Variants in THNSL1 observed in about 807,000 individuals in gnomAD.
The protein encoded by THNSL1 is threonine synthase-like 1.
A neutral mutation model predicts 50.4 loss-of-function variants in THNSL1; 48 were observed. The ratio of observed to expected loss-of-function variants is 0.95; its 90% CI spans 0.76 to 1.21. The LOEUF is 1.21. Among genes scored for constraint, THNSL1 ranks in the 50% most tolerant of loss-of-function variants. The pLI is 0.00. For missense variants in THNSL1, 896 were observed against 871.7 expected (o/e 1.03, Z -0.35); for synonymous variants, 309 against 306.1 (o/e 1.01, Z -0.10).
the THNSL1 span, chr10:24,984,543 T>A: frequency 9.2e-7 from 1 of 1,084,136 alleles, no homozygotes; most frequent in Non-Finnish European, 1.3e-6. Context: ...AACGTGACAC[T>A]AGTAAAAACA....
upstream of THNSL1, among the ~76,000 whole-genome samples, chr10:25,013,489 T>C (rs904486187): frequency 6.6e-6 from 1 of 152,228 alleles, no homozygotes; most frequent in Non-Finnish European, 1.5e-5. Flanking sequence ...ACTGTCAAAA[T>C]GCTTATGGAA....
At chr10:25,017,452 C>T (rs1201170115) in intron 1 of THNSL1, among the ~76,000 whole-genome samples, 1 of 152,216 alleles carries the variant, frequency 6.6e-6, no homozygotes, top group East Asian at 1.9e-4. Flanking sequence ...GGAGAGAAAA[C>T]ACACTTGAGT....
upstream of THNSL1, chr10:25,015,729 C>A (rs900507311): frequency 6.3e-6 from 5 of 791,966 alleles, no homozygotes; most frequent in Non-Finnish European, 8.9e-6. Context: ...AACAAGTTAT[C>A]CTCCAAGGCT....
chr10:25,025,442 ATCAAT>A lies in THNSL1; in HGVS notation c.2223_2227del (p.Gln741HisfsTer12). ...AGTCATGTGGAACAACTTGTCCAAA[ATCAAT>A]TCATATGAAAGCTTTCAGAGTAAAT... On this transcript the variant is annotated frameshift_variant, in exon 3 of 3. Transcript: ENST00000376356. LOFTEE classifies it high-confidence loss of function. 6.2e-7 allele frequency: 1 copy of A among 1,601,884 alleles called. No individual in the cohort carries two copies.
At chr10:24,975,953 G>A in the THNSL1 span, among the ~76,000 whole-genome samples, 1 of 152,230 alleles carries the variant, frequency 6.6e-6, no homozygotes, top group Non-Finnish European at 1.5e-5. Flanking sequence ...TGAATAAAGT[G>A]ACATCTAAGT....
chr10:24,967,714 CGT>C, the THNSL1 span, among the ~76,000 whole-genome samples: 1 of 147,564 alleles, frequency 6.8e-6, no homozygotes, highest in Admixed American at 6.7e-5. Flanking sequence ...TGTGTGTATA[CGT>C]GTGTGATATG....
upstream of THNSL1, among the ~76,000 whole-genome samples, chr10:25,014,758 C>T (rs548135085): frequency 7.9e-5 from 12 of 152,268 alleles, no homozygotes; most frequent in Non-Finnish European, 1.5e-4. Flanking sequence ...ATTCCTCTTT[C>T]CAGTCTCTAG....
At chr10:24,967,003 T>A in the THNSL1 span, among the ~76,000 whole-genome samples, 14 of 147,042 alleles carry the variant, frequency 9.5e-5, no homozygotes, top group Non-Finnish European at 1.8e-4. Context: ...TAACAATTTA[T>A]TTTTTTTTTT....
the THNSL1 span, among the ~76,000 whole-genome samples, chr10:24,987,499 A>T: frequency 2.9e-3 from 438 of 152,212 alleles, 2 homozygotes; most frequent in African/African-American, 9.7e-3. Flanking sequence ...ATAAAAAAAA[A>T]TCAGCCAGGC....
chr10:25,002,804 G>A, the THNSL1 span, among the ~76,000 whole-genome samples: 1 of 151,970 alleles, frequency 6.6e-6, no homozygotes, highest in Non-Finnish European at 1.5e-5. Flanking sequence ...CAAACTGAAT[G>A]AGCTCATTAG....
At chr10:24,960,049 C>T in the THNSL1 span, among the ~76,000 whole-genome samples, 5 of 151,960 alleles carry the variant, frequency 3.3e-5, no homozygotes, top group African/African-American at 1.2e-4. Flanking sequence ...CCTCCATCCC[C>T]CACCCCCTTT....
At chr10:25,022,647 C>T (rs1302788172) in intron 2 of THNSL1, among the ~76,000 whole-genome samples, 2 of 152,060 alleles carry the variant, frequency 1.3e-5, no homozygotes, top group African/African-American at 2.4e-5. Flanking sequence ...GTTATGACTT[C>T]TATAAGAAAT....
chr10:24,999,582 T>G, the THNSL1 span: 2 of 1,539,004 alleles, frequency 1.3e-6, no homozygotes, highest in African/African-American at 1.4e-5. Flanking sequence ...GCATTTATAC[T>G]TCTAGTAAAA....
the THNSL1 span, among the ~76,000 whole-genome samples, chr10:24,994,722 T>G: frequency 2.0e-5 from 3 of 152,168 alleles, no homozygotes; most frequent in Non-Finnish European, 4.4e-5. Context: ...AGCTTTTTTA[T>G]TTTAAAGATC....
chr10:24,995,431 T>C, the THNSL1 span, among the ~76,000 whole-genome samples: 2 of 152,340 alleles, frequency 1.3e-5, no homozygotes, highest in South Asian at 2.1e-4. Context: ...CAATAACTTT[T>C]ATCTACTGAA....
At chr10:24,979,695 C>T in the THNSL1 span, among the ~76,000 whole-genome samples, 1 of 152,202 alleles carries the variant, frequency 6.6e-6, no homozygotes, top group Non-Finnish European at 1.5e-5. Context: ...TACCCCACAT[C>T]TCCTTTGATC....
chr10:25,015,761 A>T (rs1295063127), upstream of THNSL1: 1 of 1,133,176 alleles, frequency 8.8e-7, no homozygotes. Flanking sequence ...GCAAAAATAC[A>T]TTTTATTTAT....
At chr10:24,983,350 G>A in the THNSL1 span, 2 of 152,206 alleles carry the variant, frequency 1.3e-5, no homozygotes, top group South Asian at 4.1e-4. Flanking sequence ...CACTCTGTAA[G>A]TCTGGGTCCC....
chr10:24,984,798 C>T, the THNSL1 span: 2 of 1,613,708 alleles, frequency 1.2e-6, no homozygotes, highest in Non-Finnish European at 1.7e-6. Flanking sequence ...CTAGTTGTTT[C>T]ATTTCTTCTT....
Sources: allele counts gnomAD v4.1 joint callset (sites outside exome capture counted in the v4.1 genomes callset), GRCh38; gene constraint gnomAD v4.1.1; transcripts MANE v1.5; gene names NCBI Gene and HGNC (gene_info 2026-07-23, HGNC 2026-07-21).